The following AMD1 variants were observed in gnomAD, a reference collection of about 807,000 sequenced individuals.
The protein encoded by AMD1 is adenosylmethionine decarboxylase 1, also known as S-adenosylmethionine decarboxylase proenzyme.
AMD1 carries 11 observed loss-of-function variants against 40.2 expected under a neutral mutation model. That is an observed-to-expected ratio of 0.27 (90% confidence interval 0.17 to 0.45). AMD1 has a LOEUF of 0.45. Ranked by LOEUF, AMD1 falls within the 20% of genes least tolerant of loss-of-function variation. AMD1 has a pLI of 1.00. For synonymous variants in AMD1, 121 were observed against 130.8 expected (o/e 0.93, Z 0.51); for missense variants, 257 against 410.2 (o/e 0.63, Z 3.23).
At chr6:110,862,037 C>G in the AMD1 span, among the ~76,000 whole-genome samples, 2 of 52,398 alleles carry the variant, frequency 3.8e-5, no homozygotes, top group Non-Finnish European at 7.8e-5. Context: ...TTTTTTTTTT[C>G]GAGATGGAGT....
intron 1 of AMD1, among the ~76,000 whole-genome samples, chr6:110,878,573 G>A (rs1466689432): frequency 6.6e-6 from 1 of 152,120 alleles, no homozygotes; most frequent in Non-Finnish European, 1.5e-5. Context: ...GTTTCTTAGG[G>A]GTAACCTGCA....
At position 110,892,724 on chromosome 6, in the gene AMD1, T is replaced by TCC. The variant is rs34637914; in HGVS notation, c.616-4_616-3dup. ...AAACCCTTGTTAAACTCGGTCTTTTTCCCCCCCCAGGAGAGTGGAATTCGT... is the reference window on the plus strand; with the variant it reads ...AAACCCTTGTTAAACTCGGTCTTTTTCCCCCCCCCCAGGAGAGTGGAATTCGT... On this transcript the variant is annotated splice_polypyrimidine_tract_variant and intron_variant, in intron 6 of 8. Transcript: ENST00000368885. 151,599 of 1,539,206 alleles carry TCC rather than the reference T, an allele frequency of 0.098. 5,617 individuals are homozygous for TCC. Among genetic ancestry groups the TCC allele is most frequent in the Non-Finnish European group, 0.11 (128,047 of 1,123,922 alleles).
At chr6:110,883,871 G>A (rs1785541307) in intron 1 of AMD1, among the ~76,000 whole-genome samples, 2 of 152,032 alleles carry the variant, frequency 1.3e-5, no homozygotes, top group African/African-American at 2.4e-5. Context: ...GATTACAGGC[G>A]TGAGCCACTG....
chr6:110,823,623 C>T, the AMD1 span, among the ~76,000 whole-genome samples: 61 of 152,158 alleles, frequency 4.0e-4, 1 homozygote, highest in Middle Eastern at 3.4e-3. Context: ...TCTTCTGTTA[C>T]CTTTAGGTTT....
At chr6:110,863,803 GA>G in the AMD1 span, 2 of 323,030 alleles carry the variant, frequency 6.2e-6, no homozygotes, top group South Asian at 6.1e-5. Context: ...AACTTACCAT[GA>G]AACAAATGGC....
At chr6:110,884,151 A>G (rs538950829) in intron 1 of AMD1, among the ~76,000 whole-genome samples, 8 of 152,238 alleles carry the variant, frequency 5.3e-5, no homozygotes, top group African/African-American at 9.6e-5. Flanking sequence ...TGCAAATAAC[A>G]TAGCAAAGGA....
At chr6:110,852,167 CT>C in the AMD1 span, among the ~76,000 whole-genome samples, 1 of 137,450 alleles carries the variant, frequency 7.3e-6, no homozygotes, top group African/African-American at 2.7e-5. Context: ...ATCCTCCCTA[CT>C]GACTATAGGC....
the AMD1 span, among the ~76,000 whole-genome samples, chr6:110,830,453 C>A: frequency 6.6e-6 from 1 of 152,204 alleles, no homozygotes; most frequent in Admixed American, 6.5e-5. Context: ...AAAAGCATTC[C>A]TCCATAAGAC....
chr6:110,857,767 T>TATATATATATAGATG, the AMD1 span, among the ~76,000 whole-genome samples: 1 of 146,038 alleles, frequency 6.8e-6, no homozygotes, highest in East Asian at 2.0e-4. Context: ...ATATAGATGG[T>TATATATATATAGATG]GTGTATATAT....
the AMD1 span, among the ~76,000 whole-genome samples, chr6:110,862,547 A>C: frequency 6.6e-6 from 1 of 150,828 alleles, no homozygotes. Flanking sequence ...GCTCACTGCA[A>C]CCTCTACCTC....
At chr6:110,821,439 C>T in the AMD1 span, among the ~76,000 whole-genome samples, 1 of 152,012 alleles carries the variant, frequency 6.6e-6, no homozygotes, top group African/African-American at 2.4e-5. Context: ...CATGGTGAAA[C>T]CCCGTCTCTA....
At chr6:110,891,837 G>C (rs1786035829) in intron 4 of AMD1, 1 of 308,204 alleles carries the variant, frequency 3.2e-6, no homozygotes, top group Non-Finnish European at 6.1e-6. Flanking sequence ...CCGCCTCCCG[G>C]GTTCAAGCAG....
chr6:110,822,980 G>A, the AMD1 span, among the ~76,000 whole-genome samples: 1 of 152,130 alleles, frequency 6.6e-6, no homozygotes, highest in East Asian at 1.9e-4. Flanking sequence ...GCTGGGCGTA[G>A]TGGCGCATGC....
the AMD1 span, among the ~76,000 whole-genome samples, chr6:110,866,888 A>G: frequency 6.6e-6 from 1 of 151,330 alleles, no homozygotes; most frequent in African/African-American, 2.4e-5. Flanking sequence ...ATCTTGGCTC[A>G]CTGCAACCTC....
At chr6:110,880,767 G>T (rs550702879) in intron 1 of AMD1, among the ~76,000 whole-genome samples, 1 of 151,516 alleles carries the variant, frequency 6.6e-6, no homozygotes, top group East Asian at 1.9e-4. Flanking sequence ...CCGCCTCCTG[G>T]GTTCAAGTGA....
chr6:110,874,874 C>T lies in AMD1; in HGVS notation c.-232C>T, dbSNP rs1386576558. 1.9e-6 allele frequency: 1 copy of T among 529,356 alleles called. No homozygotes were observed. Among genetic ancestry groups the T allele is most frequent in the African/African-American group, 1.9e-5 (1 of 52,414 alleles). The allele number at this position is 529,356 out of a possible 1,614,324, so 32.8% of individuals were successfully genotyped here. On this transcript the variant is annotated 5_prime_UTR_variant, in exon 1 of 9. Transcript: ENST00000368885. ...CGGAATACAAGAGACTGAACTGTAT[C>T]TGCCTCTATTTCCAAAAGACTCACG... is the stretch of plus-strand genomic sequence containing the variant.
chr6:110,836,654 T>A, the AMD1 span, among the ~76,000 whole-genome samples: 1 of 152,220 alleles, frequency 6.6e-6, no homozygotes, highest in Non-Finnish European at 1.5e-5. Context: ...TGGCTTGTTT[T>A]GTTTATTTGT....
the AMD1 span, among the ~76,000 whole-genome samples, chr6:110,836,449 C>T: frequency 7.9e-5 from 12 of 151,876 alleles, no homozygotes; most frequent in Non-Finnish European, 1.6e-4. Flanking sequence ...AAAAAAAATA[C>T]TACACAACAG....
chr6:110,864,042 C>T, the AMD1 span: 38 of 268,396 alleles, frequency 1.4e-4, no homozygotes, highest in Admixed American at 5.8e-4. Context: ...TCACTGCAAC[C>T]TTTGCCTCCT....
Sources: gnomAD v4.1 joint callset for allele counts (sites outside exome capture counted in the v4.1 genomes callset) on GRCh38, gnomAD v4.1.1 for gene constraint, MANE v1.5 for transcripts, NCBI Gene and HGNC (gene_info 2026-07-23, HGNC 2026-07-21) for gene names.